FCHSD2: variants seen among roughly 807,000 people sequenced by gnomAD.
The protein encoded by FCHSD2 is F-BAR and double SH3 domains protein 2.
A neutral mutation model predicts 108.1 loss-of-function variants in FCHSD2; 38 were observed. That is an observed-to-expected ratio of 0.35 (90% CI 0.27 to 0.46). The LOEUF is 0.46. Ranked by LOEUF, FCHSD2 falls within the 20% of genes least tolerant of loss-of-function variation. FCHSD2 has a pLI of 1.00. For missense variants in FCHSD2, 751 were observed against 897.8 expected (o/e 0.84, Z 2.09); for synonymous variants, 279 against 314.7 (o/e 0.89, Z 1.20).
intron 3 of FCHSD2, among the ~76,000 whole-genome samples, chr11:73,039,453 G>A (rs1858579039): frequency 6.6e-6 from 1 of 151,984 alleles, no homozygotes. Flanking sequence ...GGGAGATGGA[G>A]GTAGCAGTGA....
At chr11:72,840,197 C>T (rs1216340294) in intron 19 of FCHSD2, among the ~76,000 whole-genome samples, 1 of 152,204 alleles carries the variant, frequency 6.6e-6, no homozygotes, top group Non-Finnish European at 1.5e-5. Flanking sequence ...TCCAGCTTAC[C>T]ACTTTACAAT....
At chr11:73,039,731 T>G (rs1858587981) in intron 3 of FCHSD2, among the ~76,000 whole-genome samples, 1 of 152,232 alleles carries the variant, frequency 6.6e-6, no homozygotes, top group Non-Finnish European at 1.5e-5. Flanking sequence ...TAACGAATGA[T>G]GCAGGACTTG....
intron 2 of FCHSD2, among the ~76,000 whole-genome samples, chr11:73,133,633 T>C (rs954448932): frequency 1.3e-5 from 2 of 151,792 alleles, no homozygotes; most frequent in African/African-American, 4.8e-5. Flanking sequence ...CCATCTCTAC[T>C]AAAAATTGAA....
chr11:73,139,050 C>G (rs1487103082), intron 2 of FCHSD2, among the ~76,000 whole-genome samples: 1 of 152,060 alleles, frequency 6.6e-6, no homozygotes, highest in African/African-American at 2.4e-5. Context: ...ATTTATATGC[C>G]TTAGTCATAA....
At chr11:72,855,217 G>A (rs1386017134) in intron 13 of FCHSD2, among the ~76,000 whole-genome samples, 2 of 152,148 alleles carry the variant, frequency 1.3e-5, no homozygotes, top group Non-Finnish European at 2.9e-5. Context: ...AGGTTGCTGT[G>A]AGCTGAGATC....
chr11:73,040,068 T>A (rs1181610173), intron 3 of FCHSD2, among the ~76,000 whole-genome samples: 1 of 152,234 alleles, frequency 6.6e-6, no homozygotes, highest in Non-Finnish European at 1.5e-5. Context: ...TAGTTTCATA[T>A]TATTTTAACC....
chr11:73,011,925 A>G (rs1857871816), intron 4 of FCHSD2, among the ~76,000 whole-genome samples: 1 of 152,256 alleles, frequency 6.6e-6, no homozygotes, highest in East Asian at 1.9e-4. Flanking sequence ...TTCTTAGTGG[A>G]GGAGGTACGA....
intron 13 of FCHSD2, among the ~76,000 whole-genome samples, chr11:72,852,529 G>C (rs1301317983): frequency 6.6e-6 from 1 of 152,074 alleles, no homozygotes; most frequent in Admixed American, 6.6e-5. Context: ...AGCCAGGCGT[G>C]GTGGTATGCC....
At chr11:73,123,460 G>A (rs1488647440) in intron 2 of FCHSD2, among the ~76,000 whole-genome samples, 1 of 152,140 alleles carries the variant, frequency 6.6e-6, no homozygotes, top group East Asian at 1.9e-4. Flanking sequence ...TATATGCGCA[G>A]GCCTCTCCCA....
At chr11:73,030,645 A>G (rs1858337427) in intron 3 of FCHSD2, among the ~76,000 whole-genome samples, 1 of 152,190 alleles carries the variant, frequency 6.6e-6, no homozygotes, top group African/African-American at 2.4e-5. Context: ...CTACAAATCA[A>G]TCCACAAAAC....
intron 2 of FCHSD2, among the ~76,000 whole-genome samples, chr11:73,084,634 T>C (rs1159993085): frequency 6.6e-6 from 1 of 152,194 alleles, no homozygotes; most frequent in Non-Finnish European, 1.5e-5. Flanking sequence ...CTCAAAGCAA[T>C]CCTCCTGCCT....
chr11:72,885,261 AAATT>A (rs1447681796), intron 12 of FCHSD2, among the ~76,000 whole-genome samples: 1 of 152,156 alleles, frequency 6.6e-6, no homozygotes, highest in Non-Finnish European at 1.5e-5. Flanking sequence ...GCTAACAGTA[AAATT>A]AATTAAATGC....
chr11:72,965,812 C>G (rs1285500145), intron 8 of FCHSD2, among the ~76,000 whole-genome samples: 1 of 152,196 alleles, frequency 6.6e-6, no homozygotes, highest in Admixed American at 6.5e-5. Flanking sequence ...AGTATGTCAT[C>G]TCTTGTGATA....
chr11:73,086,348 C>G (rs1859816837), intron 2 of FCHSD2, among the ~76,000 whole-genome samples: 1 of 152,126 alleles, frequency 6.6e-6, no homozygotes, highest in Admixed American at 6.5e-5. Context: ...GTGGGGGTAG[C>G]AGTGAACCAA....
intron 13 of FCHSD2, among the ~76,000 whole-genome samples, chr11:72,860,598 A>C (rs1293875916): frequency 2.0e-5 from 3 of 152,124 alleles, no homozygotes; most frequent in African/African-American, 7.2e-5. Context: ...TAATCCTACC[A>C]CTTTGGGAGG....
At chr11:72,986,268 G>C (rs548014987) in intron 6 of FCHSD2, among the ~76,000 whole-genome samples, 11 of 152,136 alleles carry the variant, frequency 7.2e-5, no homozygotes, top group Non-Finnish European at 1.6e-4. Context: ...GGAGTGCAGT[G>C]GCGTGATCTC....
intron 8 of FCHSD2, among the ~76,000 whole-genome samples, chr11:72,927,174 A>C (rs754316745): frequency 6.6e-6 from 1 of 152,220 alleles, no homozygotes; most frequent in African/African-American, 2.4e-5. Flanking sequence ...TTCAGATACG[A>C]GCTGCCTTCC....
At chr11:73,039,525 A>AAAAAG (rs1858581501) in intron 3 of FCHSD2, among the ~76,000 whole-genome samples, 1 of 152,038 alleles carries the variant, frequency 6.6e-6, no homozygotes, top group African/African-American at 2.4e-5. Flanking sequence ...TCCAAAAAAA[A>AAAAAG]AAAGAAAGAA....
In FCHSD2 at chr11:72,838,637, G is replaced by T; in HGVS notation, c.*154C>A. Reference sequence around the variant, plus strand: ...AAAGGCACGAAATATTCAAAACGTGGGAGGAGTCTACCAGGCCACCCAGTC... The same window carrying T: ...AAAGGCACGAAATATTCAAAACGTGTGAGGAGTCTACCAGGCCACCCAGTC... On this transcript the variant is annotated 3_prime_UTR_variant, in exon 20 of 20. Coordinates refer to ENST00000409418, the MANE Select transcript of FCHSD2 (RefSeq NM_014824.3). The T allele has an allele frequency of 1.6e-6, 1 of 617,160 alleles. No individual in the cohort carries two copies. 38.2% of individuals were successfully genotyped at this position (617,160 alleles called of 1,614,324 possible).
Sources: gnomAD v4.1 joint callset for allele counts (sites outside exome capture counted in the v4.1 genomes callset) on GRCh38, gnomAD v4.1.1 for gene constraint, MANE v1.5 for transcripts, NCBI Gene and HGNC (gene_info 2026-07-23, HGNC 2026-07-21) for gene names.